The following TBC1D20 variants were observed in gnomAD, a reference collection of about 807,000 sequenced individuals.
The protein encoded by TBC1D20 is chromosome 20 open reading frame 140.
In TBC1D20, 12 loss-of-function variants were observed where a neutral mutation model predicts 41.6. That is an observed-to-expected ratio of 0.29 (90% confidence interval 0.18 to 0.47). The LOEUF (loss-of-function observed/expected upper bound fraction) is 0.47. Ranked by LOEUF, TBC1D20 falls within the 20% of genes least tolerant of loss-of-function variation. The pLI is 1.00. For missense variants in TBC1D20, 421 were observed against 517.4 expected, an observed-to-expected ratio of 0.81 and a Z score of 1.81; for synonymous variants, 205 against 204.8, an observed-to-expected ratio of 1.00 and a Z score of -0.01.
At chr20:438,964 C>G (rs1376022617) in intron 7 of TBC1D20, 123 bp from the exon 8 acceptor site, 21 of 1,458,586 alleles carry the variant, frequency 1.4e-5, no homozygotes, top group Non-Finnish European at 1.9e-5. Context: ...GATAAAGACC[C>G]ATATGTCTAC....
intron 1 of TBC1D20, among the ~76,000 whole-genome samples, chr20:457,407 A>G (rs2017561205): frequency 6.6e-6 from 1 of 152,012 alleles, no homozygotes; most frequent in South Asian, 2.1e-4. Flanking sequence ...TTTTTTGTAG[A>G]GGTGGGGTCT....
chr20:453,139 G>A, intron 1 of TBC1D20, among the ~76,000 whole-genome samples: 1 of 107,830 alleles, frequency 9.3e-6, no homozygotes, highest in Non-Finnish European at 1.7e-5. Context: ...GGCAACAAGA[G>A]CGAAACTCCG....
At chr20:458,572 C>T (rs2017580828) in intron 1 of TBC1D20, among the ~76,000 whole-genome samples, 1 of 152,124 alleles carries the variant, frequency 6.6e-6, no homozygotes, top group Admixed American at 6.6e-5. Context: ...CTCGACCTCC[C>T]AAAGTGCTGG....
intron 1 of TBC1D20, among the ~76,000 whole-genome samples, chr20:454,371 C>T (rs1281293897): frequency 6.6e-6 from 1 of 151,678 alleles, no homozygotes; most frequent in Non-Finnish European, 1.5e-5. Flanking sequence ...GGAGGACATT[C>T]AGGGGCTGGG....
chr20:445,202 G>T, intron 2 of TBC1D20, 72 bp from the exon 3 acceptor site: 1 of 1,138,372 alleles, frequency 8.8e-7, no homozygotes, highest in South Asian at 1.3e-5. Flanking sequence ...ATTCTGGGAT[G>T]ACACAAAAGG....
At chr20:449,153 C>CTT (rs757303718) in intron 1 of TBC1D20, among the ~76,000 whole-genome samples, 32,457 of 93,436 alleles carry the variant, frequency 0.35, 6,530 homozygotes, top group Non-Finnish European at 0.39. Context: ...CCTATATGTA[C>CTT]TTTTTTTTTT....
At chr20:447,846 C>A (rs1411463599) in intron 2 of TBC1D20, 43 bp downstream of exon 2, 2 of 1,527,304 alleles carry the variant, frequency 1.3e-6, no homozygotes, top group South Asian at 2.4e-5. Flanking sequence ...TTCCCCCTGT[C>A]TCCTAGATAA....
At chr20:440,473 A>G in intron 5 of TBC1D20, 84 bp from the exon 6 acceptor site, 1 of 1,502,496 alleles carries the variant, frequency 6.7e-7, no homozygotes. Context: ...GTGAGAAGGA[A>G]GCATTTAGGA....
intron 1 of TBC1D20, among the ~76,000 whole-genome samples, chr20:449,570 TG>T (rs1421787055): frequency 2.0e-5 from 3 of 151,958 alleles, no homozygotes; most frequent in Non-Finnish European, 4.4e-5. Context: ...CACTCCAGCC[TG>T]GGCGACAAAG....
intron 5 of TBC1D20, chr20:440,748 A>G: frequency 5.6e-6 from 1 of 179,054 alleles, no homozygotes; most frequent in South Asian, 1.5e-4. Context: ...CCAAGCCTGA[A>G]AACATGACTG....
chr20:445,474 A>C (rs1339847767), intron 2 of TBC1D20, among the ~76,000 whole-genome samples: 1 of 152,176 alleles, frequency 6.6e-6, no homozygotes, highest in Non-Finnish European at 1.5e-5. Context: ...CACAGCTACA[A>C]AATGAGGATA....
In TBC1D20 at chr20:462,367, G is replaced by A. The variant is rs1433858227; in HGVS notation, c.39C>T (p.Ser13=). The A allele has an allele frequency of 1.5e-6, 2 of 1,306,738 alleles. No individual in the cohort carries two copies. Among genetic ancestry groups the A allele is most frequent in the African/African-American group, 1.5e-5 (1 of 65,114 alleles). The allele number at this position is 1,306,738 out of a possible 1,614,324, so 80.9% of individuals were successfully genotyped here. A position where few individuals can be genotyped will look rare whatever the true frequency, so the allele number is the denominator to read the frequency against. The change falls in exon 1 of 8, where the codon TCC becomes TCT. Residue 13 remains serine (S), a synonymous_variant. Transcript: ENST00000354200. Reference sequence around the variant, plus strand: ...TCTCCGCGCCGCCGTCCCAGTGGCCGGAGGTGGGGCCGTCGCCCTGCGCAC... The same window carrying A: ...TCTCCGCGCCGCCGTCCCAGTGGCCAGAGGTGGGGCCGTCGCCCTGCGCAC... The part of the protein sequence containing the change: ...LRSAQGDGPT[S]GHWDGGAEKA...
chr20:459,969 G>A (rs2017601813), intron 1 of TBC1D20, among the ~76,000 whole-genome samples: 1 of 152,140 alleles, frequency 6.6e-6, no homozygotes, highest in Non-Finnish European at 1.5e-5. Flanking sequence ...GGGAAGGGAC[G>A]ATAACAACTA....
At chr20:450,214 T>G (rs1365960576) in intron 1 of TBC1D20, among the ~76,000 whole-genome samples, 1 of 151,652 alleles carries the variant, frequency 6.6e-6, no homozygotes, top group Non-Finnish European at 1.5e-5. Context: ...AATGGCGCGA[T>G]CTCAGCTCAC....
chr20:457,566 T>TA (rs957087422), intron 1 of TBC1D20, among the ~76,000 whole-genome samples: 11 of 152,006 alleles, frequency 7.2e-5, no homozygotes, highest in Non-Finnish European at 1.6e-4. Context: ...AAGAGTGTGT[T>TA]AAGGGGAAAG....
chr20:459,944 G>A (rs138969784), intron 1 of TBC1D20, among the ~76,000 whole-genome samples: 1 of 152,128 alleles, frequency 6.6e-6, no homozygotes, highest in Non-Finnish European at 1.5e-5. Context: ...CCTGGATTAG[G>A]GCACTTAATA....
chr20:458,686 G>A (rs1443721338), intron 1 of TBC1D20, among the ~76,000 whole-genome samples: 3 of 152,084 alleles, frequency 2.0e-5, no homozygotes, highest in Admixed American at 6.6e-5. Context: ...CTGTGGGAAC[G>A]CAACAAATAC....
At chr20:454,750 G>A (rs1352475644) in intron 1 of TBC1D20, among the ~76,000 whole-genome samples, 1 of 151,864 alleles carries the variant, frequency 6.6e-6, no homozygotes, top group Non-Finnish European at 1.5e-5. Context: ...TGGCTCACTG[G>A]AACCTCTGTC....
intron 7 of TBC1D20, 72 bp from the exon 8 acceptor site, chr20:438,913 G>A: frequency 6.4e-7 from 1 of 1,572,178 alleles, no homozygotes; most frequent in Non-Finnish European, 8.7e-7. Flanking sequence ...ACACCACATA[G>A]GCTGCGGGCA....
Sources: allele counts gnomAD v4.1 joint callset (sites outside exome capture counted in the v4.1 genomes callset), GRCh38; gene constraint gnomAD v4.1.1; transcripts MANE v1.5; gene names NCBI Gene and HGNC (gene_info 2026-07-23, HGNC 2026-07-21).